The following KIAA0825 variants were observed in gnomAD, a reference collection of about 807,000 sequenced individuals.
KIAA0825 encodes the protein KIAA0825, also known as uncharacterized protein KIAA0825.
A neutral mutation model predicts 147.6 loss-of-function variants in KIAA0825; 119 were observed. That is an observed-to-expected ratio of 0.81 (90% CI 0.69 to 0.94). The LOEUF is 0.94. KIAA0825 is among the 40% of genes least tolerant of loss of function. The pLI, the probability that KIAA0825 is intolerant of heterozygous loss-of-function variation, is 0.00. For missense variants in KIAA0825, 1,381 were observed against 1,472.7 expected (o/e 0.94, Z 1.02); for synonymous variants, 470 against 518.1 (o/e 0.91, Z 1.26).
At chr5:94,209,532 T>C (rs56139914) in intron 20 of KIAA0825, among the ~76,000 whole-genome samples, 2,163 of 152,304 alleles carry the variant, frequency 0.014, 61 homozygotes, top group African/African-American at 0.049. Context: ...CCTGTCAGTG[T>C]TAAGTTGAAA....
intron 2 of KIAA0825, among the ~76,000 whole-genome samples, chr5:94,553,226 G>T (rs1775872108): frequency 6.6e-6 from 1 of 151,914 alleles, no homozygotes; most frequent in Admixed American, 6.6e-5. Context: ...ATCACCTGAG[G>T]TCAGGATTTC....
At chr5:94,328,693 AGTC>A (rs1780954073) in intron 20 of KIAA0825, among the ~76,000 whole-genome samples, 1 of 152,126 alleles carries the variant, frequency 6.6e-6, no homozygotes, top group African/African-American at 2.4e-5. Flanking sequence ...AATGGCATTT[AGTC>A]AAATACCATT....
chr5:94,322,379 A>G (rs1404048967), intron 20 of KIAA0825, among the ~76,000 whole-genome samples: 3 of 151,832 alleles, frequency 2.0e-5, no homozygotes, highest in Non-Finnish European at 4.4e-5. Flanking sequence ...AATAGGGCAA[A>G]GGGTCCCCAG....
intron 20 of KIAA0825, among the ~76,000 whole-genome samples, chr5:94,330,827 TTAC>T (rs1781192597): frequency 6.6e-6 from 1 of 152,010 alleles, no homozygotes; most frequent in Non-Finnish European, 1.5e-5. Context: ...AAGACACAAC[TTAC>T]TACTATCAGA....
At chr5:94,195,833 A>G (rs1771081597) in intron 20 of KIAA0825, among the ~76,000 whole-genome samples, 1 of 152,286 alleles carries the variant, frequency 6.6e-6, no homozygotes, top group East Asian at 1.9e-4. Context: ...CTTTAACAGG[A>G]TATGGCTGCA....
At chr5:94,608,394 TGGG>T (rs1787898756) in intron 1 of KIAA0825, among the ~76,000 whole-genome samples, 1 of 98,764 alleles carries the variant, frequency 1.0e-5, no homozygotes, top group Non-Finnish European at 2.0e-5. Flanking sequence ...CCCAAGTAAC[TGGG>T]ACTACAGGTG....
At chr5:94,426,283 A>G (rs1336606976) in intron 14 of KIAA0825, among the ~76,000 whole-genome samples, 1 of 152,174 alleles carries the variant, frequency 6.6e-6, no homozygotes, top group African/African-American at 2.4e-5. Context: ...ACTATTTATA[A>G]TAGCAAAGAT....
chr5:94,483,044 C>G (rs1011516317), intron 6 of KIAA0825, among the ~76,000 whole-genome samples: 9 of 151,960 alleles, frequency 5.9e-5, no homozygotes, highest in African/African-American at 1.9e-4. Context: ...AAATATCCAG[C>G]ATTTGCAAGT....
At chr5:94,300,931 C>G (rs1778369442) in intron 20 of KIAA0825, among the ~76,000 whole-genome samples, 2 of 152,138 alleles carry the variant, frequency 1.3e-5, no homozygotes, top group South Asian at 4.1e-4. Flanking sequence ...CACTTGCTGA[C>G]ACGGAGTGAG....
At chr5:94,235,360 C>A (rs1371762754) in intron 20 of KIAA0825, among the ~76,000 whole-genome samples, 2 of 152,214 alleles carry the variant, frequency 1.3e-5, no homozygotes, top group Non-Finnish European at 2.9e-5. Flanking sequence ...ACCAACATTC[C>A]CTTAAACCAA....
At chr5:94,490,033 G>C (rs1404008968) in intron 5 of KIAA0825, among the ~76,000 whole-genome samples, 1 of 151,978 alleles carries the variant, frequency 6.6e-6, no homozygotes, top group Non-Finnish European at 1.5e-5. Context: ...TGGAACATCT[G>C]TAGGACATTT....
At chr5:94,180,863 A>G (rs1769546795) in intron 20 of KIAA0825, among the ~76,000 whole-genome samples, 1 of 151,638 alleles carries the variant, frequency 6.6e-6, no homozygotes, top group Admixed American at 6.6e-5. Context: ...TTTCAGAGTG[A>G]TTTTACTTTC....
At chr5:94,399,244 T>C (rs1261334297) in intron 16 of KIAA0825, among the ~76,000 whole-genome samples, 8 of 152,150 alleles carry the variant, frequency 5.3e-5, no homozygotes, top group African/African-American at 1.9e-4. Context: ...TCATTGTTCT[T>C]TTTGTGTTTG....
At chr5:94,552,954 C>T (rs1775815650) in intron 2 of KIAA0825, among the ~76,000 whole-genome samples, 1 of 152,150 alleles carries the variant, frequency 6.6e-6, no homozygotes, top group Non-Finnish European at 1.5e-5. Flanking sequence ...TTCTATGGCA[C>T]TGTAAAATTC....
intron 14 of KIAA0825, among the ~76,000 whole-genome samples, chr5:94,432,357 A>C (rs1755792464): frequency 6.6e-6 from 1 of 152,174 alleles, no homozygotes; most frequent in Non-Finnish European, 1.5e-5. Context: ...GCACTTAAAG[A>C]CAAGAAGCCT....
rs189945844 is a variant in KIAA0825, at chr5:94,604,906, C to G, written c.-153+13594G>C. ...AGAAATAACCAAAATAAGGGCTGAACTGAAGGAGATAGAGACAAGAAAAGA... is the reference window on the plus strand; with the variant it reads ...AGAAATAACCAAAATAAGGGCTGAAGTGAAGGAGATAGAGACAAGAAAAGA... On this transcript the variant is annotated intron_variant, in intron 1 of 20. Transcript: ENST00000682413. Among the ~76,000 whole-genome samples the G allele has an allele frequency of 2.6e-5, 4 of 151,836 alleles. No individual in the cohort carries two copies. The East Asian group carries it at 7.7e-4, about 29-fold the overall frequency.
chr5:94,591,665 A>G (rs1420770102), intron 1 of KIAA0825, among the ~76,000 whole-genome samples: 4 of 152,198 alleles, frequency 2.6e-5, no homozygotes, highest in Admixed American at 6.5e-5. Flanking sequence ...CTTGACTGAC[A>G]TTCAAAGAAA....
At chr5:94,502,808 A>G (rs1016645121) in intron 5 of KIAA0825, among the ~76,000 whole-genome samples, 1 of 152,118 alleles carries the variant, frequency 6.6e-6, no homozygotes, top group African/African-American at 2.4e-5. Flanking sequence ...GATTCATAAA[A>G]TTTGTAAAAT....
rs150460167 is a variant in KIAA0825, at chr5:94,587,300, T to C, written c.-152-4717A>G. ...ATTGTATACTTAGAAAACCCCATTGTCTCAGCCTAAAATCTCCTTAAGCTG... is the reference window on the plus strand; with the variant it reads ...ATTGTATACTTAGAAAACCCCATTGCCTCAGCCTAAAATCTCCTTAAGCTG... On this transcript the variant is annotated intron_variant, in intron 1 of 20. Coordinates refer to ENST00000682413, the MANE Select transcript of KIAA0825 (RefSeq NM_001145678.3). Among the ~76,000 whole-genome samples the C allele has an allele frequency of 4.7e-4, 72 of 152,292 alleles. No homozygotes were observed. The East Asian group carries it at 0.011, about 23-fold the overall frequency.
Sources: gnomAD v4.1 joint callset for allele counts (sites outside exome capture counted in the v4.1 genomes callset) on GRCh38, gnomAD v4.1.1 for gene constraint, MANE v1.5 for transcripts, NCBI Gene and HGNC (gene_info 2026-07-23, HGNC 2026-07-21) for gene names.